The following KCTD9 variants were observed in gnomAD, a reference collection of about 807,000 sequenced individuals.
KCTD9 encodes BTB/POZ domain-containing protein KCTD9.
Under a neutral mutation model 53.3 loss-of-function variants are expected in KCTD9, and 17 were observed. The ratio of observed to expected loss-of-function variants is 0.32; its 90% confidence interval spans 0.22 to 0.48. The LOEUF (loss-of-function observed/expected upper bound fraction) is 0.48, where lower values mean the gene tolerates loss of function less well. Among genes scored for constraint, KCTD9 ranks in the 20% least tolerant of loss-of-function variants. KCTD9 has a pLI of 0.99. For synonymous variants in KCTD9, 128 were observed against 162.7 expected (o/e 0.79, Z 1.62); for missense variants, 179 against 465.5 (o/e 0.38, Z 5.66).
Position 25,448,400 on chromosome 8 carries a change from T to A in KCTD9, c.49-2150A>T, listed in dbSNP as rs75418510. On this transcript the variant is annotated intron_variant, in intron 1 of 11. Coordinates refer to ENST00000221200, the MANE Select transcript of KCTD9 (RefSeq NM_017634.4). ...GGCATAGATGGGAATGGAGACTTAT[T>A]TCTTAATGGTTACAATTTCTGTTTG... Among the ~76,000 whole-genome samples, 885 of 152,282 alleles carry A rather than the reference T, an allele frequency of 5.8e-3. 9 individuals are homozygous for A. The highest frequency in any genetic ancestry group is 0.02 in the African/African-American group (836 of 41,560).
intron 1 of KCTD9, among the ~76,000 whole-genome samples, chr8:25,449,883 T>C (rs2117435117): frequency 6.6e-6 from 1 of 152,086 alleles, no homozygotes. Context: ...TCCCATGACA[T>C]AGGAACCCAA....
At chr8:25,434,432 G>A (rs575156791) in intron 9 of KCTD9, among the ~76,000 whole-genome samples, 1 of 135,752 alleles carries the variant, frequency 7.4e-6, no homozygotes, top group South Asian at 2.4e-4. Context: ...AAGCGTTTTT[G>A]ACAAACATCT....
intron 5 of KCTD9, 73 bp downstream of exon 5, chr8:25,439,533 G>C (rs557858239): frequency 1.9e-6 from 3 of 1,583,538 alleles, no homozygotes; most frequent in Non-Finnish European, 2.6e-6. Flanking sequence ...AAGTACAGAA[G>C]GTCAGGAGTT....
intron 1 of KCTD9, among the ~76,000 whole-genome samples, chr8:25,447,592 G>A (rs11998592): frequency 0.4 from 61,324 of 151,950 alleles, 12,778 homozygotes; most frequent in African/African-American, 0.51. Flanking sequence ...AAAGCTGCTC[G>A]ATAACATACG....
Position 25,458,266 on chromosome 8 carries a change from C to A in KCTD9, c.-20G>T, listed in dbSNP as rs762251588. ...CCTCATCGCGCTGCCCCCGCTGGGT[C>A]CTGAGTGAGCCGCCACCCTCCCACC... On this transcript the variant is annotated 5_prime_UTR_variant, in exon 1 of 12. Coordinates refer to ENST00000221200, the MANE Select transcript of KCTD9 (RefSeq NM_017634.4). The A allele has an allele frequency of 3.1e-6, 5 of 1,607,652 alleles. No individual in the cohort carries two copies. Among genetic ancestry groups the A allele is most frequent in the African/African-American group, 1.3e-5 (1 of 74,656 alleles).
intron 1 of KCTD9, among the ~76,000 whole-genome samples, chr8:25,450,933 G>C (rs1337595179): frequency 6.6e-6 from 1 of 152,170 alleles, no homozygotes; most frequent in Non-Finnish European, 1.5e-5. Flanking sequence ...TATTTTAGCA[G>C]TTTGCAATCA....
In KCTD9 at chr8:25,435,444, A is replaced by G. The variant is rs1345490590; in HGVS notation, c.732T>C (p.Asn244=). The stretch of plus-strand genomic sequence containing the variant: ...CATGTGCAAGATTACAGCGGCTTAA[A>G]TTGGCCATTTTGAAGTTAATGTATC... The part of the protein sequence containing the change: ...DLRYINFKMA[N]LSRCNLAHAN... Residue 244 remains asparagine (N), a synonymous_variant, in exon 9 of 12, where the codon AAT becomes AAC. Coordinates refer to ENST00000221200, the MANE Select transcript of KCTD9 (RefSeq NM_017634.4). 5 of 1,612,704 alleles carry G rather than the reference A, an allele frequency of 3.1e-6. No individual in the cohort carries two copies. Among genetic ancestry groups the G allele is most frequent in the Non-Finnish European group, 4.2e-6 (5 of 1,179,316 alleles).
intron 9 of KCTD9, among the ~76,000 whole-genome samples, chr8:25,434,171 C>A (rs1232523111): frequency 1.3e-5 from 2 of 152,206 alleles, no homozygotes; most frequent in Non-Finnish European, 2.9e-5. Flanking sequence ...GCTGTCTCAG[C>A]TCACTGCAAT....
intron 3 of KCTD9, among the ~76,000 whole-genome samples, chr8:25,442,872 C>G (rs1802148235): frequency 6.6e-6 from 1 of 152,026 alleles, no homozygotes; most frequent in African/African-American, 2.4e-5. Context: ...TAGATGTGTT[C>G]TGTATGGGGT....
At chr8:25,432,467 A>C (rs962573123) in intron 11 of KCTD9, 37 bp downstream of exon 11, 7 of 1,584,040 alleles carry the variant, frequency 4.4e-6, no homozygotes, top group Non-Finnish European at 6.0e-6. Flanking sequence ...TAGTAAGTCT[A>C]GAGTAATAAA....
chr8:25,438,157 A>G (rs1802054483), intron 6 of KCTD9, among the ~76,000 whole-genome samples: 1 of 152,218 alleles, frequency 6.6e-6, no homozygotes, highest in Non-Finnish European at 1.5e-5. Flanking sequence ...GTGACACAGC[A>G]TGGATAAATA....
chr8:25,439,916 C>A, intron 4 of KCTD9: 1 of 532,308 alleles, frequency 1.9e-6, no homozygotes, highest in South Asian at 4.3e-5. Context: ...ATCCTGTAAG[C>A]AAATTATTAC....
intron 4 of KCTD9, among the ~76,000 whole-genome samples, chr8:25,440,115 G>A (rs1010238334): frequency 1.4e-5 from 2 of 145,666 alleles, no homozygotes; most frequent in Non-Finnish European, 3.0e-5. Context: ...CTGGAGTGCA[G>A]TGGCAGGATC....
At chr8:25,446,105 A>G in intron 2 of KCTD9, 24 bp downstream of exon 2, 1 of 1,610,820 alleles carries the variant, frequency 6.2e-7, no homozygotes, top group Non-Finnish European at 8.5e-7. Context: ...CACTGTTGAC[A>G]GCTTATAAAA....
In KCTD9 at chr8:25,440,647, C is replaced by T. The variant is rs913378176; in HGVS notation, c.241G>A (p.Glu81Lys). ...TCTGTGTGGAATCCTAACAATCCCT[C>T]AGGAGGCTTAGAATCTGTCTGAGGA... ...IDPQTDSKPP[E>K]GLLGFHTDWL... The change falls in exon 4 of 12, where the codon GAG (glutamate) becomes AAG (lysine). Residue 81 changes from glutamate (E) to lysine (K), a missense_variant. Glu to Lys is a moderately conservative substitution (Grantham distance 56). Coordinates refer to ENST00000221200, the MANE Select transcript of KCTD9 (RefSeq NM_017634.4). 6 of 1,611,152 alleles carry T rather than the reference C, an allele frequency of 3.7e-6. No individual in the cohort carries two copies. The African/African-American group carries it at 6.7e-5, about 18-fold the overall frequency.
rs754623315 is a variant in KCTD9, at chr8:25,458,273, G to A, written c.-27C>T. 4 of 1,609,198 alleles carry A rather than the reference G, an allele frequency of 2.5e-6. No individual in the cohort carries two copies. In the South Asian group the frequency reaches 3.3e-5, roughly 13 times the overall value. On this transcript the variant is annotated 5_prime_UTR_variant, in exon 1 of 12. Coordinates refer to ENST00000221200, the MANE Select transcript of KCTD9 (RefSeq NM_017634.4). Reference sequence around the variant, plus strand: ...GCGCTGCCCCCGCTGGGTCCTGAGTGAGCCGCCACCCTCCCACCTGGTCCT... The same window carrying A: ...GCGCTGCCCCCGCTGGGTCCTGAGTAAGCCGCCACCCTCCCACCTGGTCCT...
intron 9 of KCTD9, among the ~76,000 whole-genome samples, chr8:25,435,116 A>C (rs1184914780): frequency 6.6e-6 from 1 of 152,238 alleles, no homozygotes; most frequent in Non-Finnish European, 1.5e-5. Context: ...TCAAGAACTA[A>C]TTCCAAGATT....
intron 11 of KCTD9, among the ~76,000 whole-genome samples, chr8:25,430,839 ACAC>A (rs753705593): frequency 6.7e-5 from 9 of 134,154 alleles, no homozygotes; most frequent in East Asian, 2.2e-4. Flanking sequence ...ACACACACAC[ACAC>A]AATTTTTTTT....
chr8:25,433,239 C>A, intron 10 of KCTD9, 91 bp downstream of exon 10: 1 of 651,328 alleles, frequency 1.5e-6, no homozygotes, highest in Non-Finnish European at 2.6e-6. Context: ...CTACAGCTAT[C>A]CTGTTTCACC....
Sources: gnomAD v4.1 joint callset for allele counts (sites outside exome capture counted in the v4.1 genomes callset) on GRCh38, gnomAD v4.1.1 for gene constraint, MANE v1.5 for transcripts, NCBI Gene and HGNC (gene_info 2026-07-23, HGNC 2026-07-21) for gene names.